The following WWOX variants were observed in gnomAD, a reference collection of about 807,000 sequenced individuals.
WWOX encodes the protein WW domain containing oxidoreductase.
WWOX carries 69 observed loss-of-function variants against 46.2 expected under a neutral mutation model. That is an observed-to-expected ratio of 1.49 (90% CI 1.23 to 1.82). WWOX has a LOEUF of 1.82. WWOX is among the 40% of genes most tolerant of loss of function. The pLI, the probability that WWOX is intolerant of heterozygous loss-of-function variation, is 0.00. For synonymous variants in WWOX, 359 were observed against 202.6 expected (o/e 1.77, Z -6.56); for missense variants, 919 against 542.6 (o/e 1.69, Z -6.89).
At chr16:78,503,463 T>TAA (rs2085118320) in intron 8 of WWOX, among the ~76,000 whole-genome samples, 1 of 152,170 alleles carries the variant, frequency 6.6e-6, no homozygotes, top group Non-Finnish European at 1.5e-5. Context: ...AAAAAAAATT[T>TAA]TTTTTTGATC....
At chr16:78,171,253 C>T (rs1480504068) in intron 5 of WWOX, among the ~76,000 whole-genome samples, 2 of 152,100 alleles carry the variant, frequency 1.3e-5, no homozygotes, top group East Asian at 1.9e-4. Flanking sequence ...TATTAAGGAA[C>T]GATGGGTAGG....
At chr16:78,103,846 T>G (rs1316636945) in intron 1 of WWOX, among the ~76,000 whole-genome samples, 1 of 151,884 alleles carries the variant, frequency 6.6e-6, no homozygotes, top group Non-Finnish European at 1.5e-5. Context: ...GAACCCGGTC[T>G]TGTGTGGGTG....
intron 8 of WWOX, among the ~76,000 whole-genome samples, chr16:78,809,254 A>G (rs919358098): frequency 6.7e-6 from 1 of 150,142 alleles, no homozygotes; most frequent in African/African-American, 2.5e-5. Flanking sequence ...GAATGTTTTT[A>G]GAAGTTAGAT....
intron 8 of WWOX, among the ~76,000 whole-genome samples, chr16:79,104,796 T>G (rs928496385): frequency 6.6e-6 from 1 of 152,122 alleles, no homozygotes; most frequent in African/African-American, 2.4e-5. Context: ...CGCTGGGAAT[T>G]CATTAAGAGA....
At chr16:78,232,819 G>C (rs1301391412) in intron 5 of WWOX, among the ~76,000 whole-genome samples, 1 of 148,838 alleles carries the variant, frequency 6.7e-6, no homozygotes, top group East Asian at 2.0e-4. Flanking sequence ...ATGAATATCT[G>C]TAGCTGTTTT....
At chr16:78,768,074 G>T (rs1163150513) in intron 8 of WWOX, among the ~76,000 whole-genome samples, 2 of 151,870 alleles carry the variant, frequency 1.3e-5, no homozygotes, top group Non-Finnish European at 2.9e-5. Context: ...TTTTTCATTA[G>T]CTGTATTGTA....
At chr16:78,150,840 G>C (rs922395613) in intron 4 of WWOX, among the ~76,000 whole-genome samples, 2 of 151,988 alleles carry the variant, frequency 1.3e-5, no homozygotes, top group Non-Finnish European at 2.9e-5. Context: ...AATAATAAAA[G>C]ACTCTCCCCT....
At chr16:78,879,006 G>T (rs1392007291) in intron 8 of WWOX, among the ~76,000 whole-genome samples, 1 of 151,568 alleles carries the variant, frequency 6.6e-6, no homozygotes, top group Non-Finnish European at 1.5e-5. Flanking sequence ...ATTTGAGGTT[G>T]CAGTGAGCTA....
chr16:79,049,925 A>G (rs1320111442), intron 8 of WWOX, among the ~76,000 whole-genome samples: 1 of 152,044 alleles, frequency 6.6e-6, no homozygotes, highest in African/African-American at 2.4e-5. Context: ...TGGTAAAAGC[A>G]TGTGGTTCCA....
chr16:78,633,554 G>C (rs964491189), intron 8 of WWOX, among the ~76,000 whole-genome samples: 4 of 152,206 alleles, frequency 2.6e-5, no homozygotes, highest in African/African-American at 9.6e-5. Context: ...ACCTTTCACT[G>C]TGCGGGTTTC....
intron 8 of WWOX, among the ~76,000 whole-genome samples, chr16:78,922,894 G>A (rs548063067): frequency 1.3e-5 from 2 of 151,870 alleles, no homozygotes; most frequent in South Asian, 4.2e-4. Context: ...CTAAAAATAA[G>A]AACTTAAAAC....
At chr16:78,594,971 C>A (rs917250107) in intron 8 of WWOX, among the ~76,000 whole-genome samples, 4 of 152,170 alleles carry the variant, frequency 2.6e-5, no homozygotes, top group Non-Finnish European at 4.4e-5. Context: ...TCACAATAAC[C>A]CTATCCTTAC....
intron 5 of WWOX, among the ~76,000 whole-genome samples, chr16:78,201,054 C>T (rs550584689): frequency 1.3e-5 from 2 of 152,340 alleles, no homozygotes; most frequent in East Asian, 3.9e-4. Flanking sequence ...ATGACCATTT[C>T]TGGTCTTTTA....
chr16:78,502,965 G>T (rs115061905), intron 8 of WWOX, among the ~76,000 whole-genome samples: 1 of 152,178 alleles, frequency 6.6e-6, no homozygotes, highest in Non-Finnish European at 1.5e-5. Flanking sequence ...AGAAAGGAAG[G>T]TGCTGCGATC....
chr16:78,913,988 T>A (rs2045180221), intron 8 of WWOX, among the ~76,000 whole-genome samples: 1 of 152,006 alleles, frequency 6.6e-6, no homozygotes, highest in South Asian at 2.1e-4. Flanking sequence ...CAAGAAATTG[T>A]ACCAGGAAAT....
intron 8 of WWOX, among the ~76,000 whole-genome samples, chr16:78,814,156 C>G (rs905308425): frequency 3.9e-5 from 6 of 152,212 alleles, no homozygotes; most frequent in African/African-American, 7.2e-5. Flanking sequence ...CCTCCCGCTG[C>G]CGGCAAGCGG....
At chr16:79,158,184 T>G (rs770993946) in intron 8 of WWOX, among the ~76,000 whole-genome samples, 12 of 152,152 alleles carry the variant, frequency 7.9e-5, no homozygotes, top group Non-Finnish European at 1.2e-4. Context: ...TGTTGGGATT[T>G]CATAGATGAG....
intron 8 of WWOX, among the ~76,000 whole-genome samples, chr16:79,022,702 A>G (rs893239748): frequency 1.3e-5 from 2 of 152,134 alleles, no homozygotes; most frequent in East Asian, 1.9e-4. Context: ...AAGGGGCTGG[A>G]GCCCAAGAGG....
At chr16:79,159,911 T>C (rs2050452046) in intron 8 of WWOX, among the ~76,000 whole-genome samples, 1 of 152,094 alleles carries the variant, frequency 6.6e-6, no homozygotes, top group African/African-American at 2.4e-5. Flanking sequence ...AGGATCTTCA[T>C]TTGGAGGGGT....
Sources: allele counts gnomAD v4.1 joint callset (sites outside exome capture counted in the v4.1 genomes callset), GRCh38; gene constraint gnomAD v4.1.1; transcripts MANE v1.5; gene names NCBI Gene and HGNC (gene_info 2026-07-23, HGNC 2026-07-21).